ZFAND6: variants seen among roughly 807,000 people sequenced by gnomAD.
ZFAND6 encodes zinc finger AN1-type containing 6.
ZFAND6 carries 12 observed loss-of-function variants against 24.5 expected under a neutral mutation model. The observed-to-expected ratio is 0.49, with a 90% CI of 0.31 to 0.79. The LOEUF (loss-of-function observed/expected upper bound fraction) is 0.79, where lower values mean the gene tolerates loss of function less well. Among genes scored for constraint, ZFAND6 ranks in the 30% least tolerant of loss-of-function variants. The pLI is 0.04. For missense variants in ZFAND6, 207 were observed against 245.9 expected (o/e 0.84, Z 1.06); for synonymous variants, 92 against 81.5 (o/e 1.13, Z -0.69).
intron 1 of ZFAND6, among the ~76,000 whole-genome samples, chr15:80,077,738 C>A (rs1267950851): frequency 1.6e-5 from 2 of 122,972 alleles, no homozygotes; most frequent in Non-Finnish European, 1.6e-5. Flanking sequence ...CTCGCTCTGT[C>A]ACCCAGGCTG....
Position 80,061,812 on chromosome 15 carries a change from A to G in ZFAND6, c.-181+2003A>G, listed in dbSNP as rs902196535. ...AGAATTTCTCTAGAGTAAATACTTA[A>G]TGTGGATTGCATTAGACGGTATTAG... On this transcript the variant is annotated intron_variant, in intron 1 of 6. Coordinates refer to ENST00000261749, the MANE Select transcript of ZFAND6 (RefSeq NM_019006.4). Among the ~76,000 whole-genome samples, 3 of 152,184 alleles carry G rather than the reference A, an allele frequency of 2.0e-5. No individual in the cohort carries two copies. The East Asian group carries it at 5.8e-4, about 29-fold the overall frequency.
chr15:80,078,351 C>T (rs2037416468), intron 1 of ZFAND6, among the ~76,000 whole-genome samples: 1 of 152,178 alleles, frequency 6.6e-6, no homozygotes, highest in African/African-American at 2.4e-5. Context: ...GGATAATGGC[C>T]TCCAGCCCCA....
intron 1 of ZFAND6, among the ~76,000 whole-genome samples, chr15:80,072,051 T>G (rs1222087450): frequency 6.6e-6 from 1 of 152,156 alleles, no homozygotes; most frequent in East Asian, 1.9e-4. Flanking sequence ...AGTATTTTAG[T>G]GCTGTATATT....
At chr15:80,077,577 A>T (rs1001614254) in intron 1 of ZFAND6, among the ~76,000 whole-genome samples, 1 of 152,136 alleles carries the variant, frequency 6.6e-6, no homozygotes, top group Non-Finnish European at 1.5e-5. Context: ...GGTAAATATT[A>T]CCAATGTTTG....
chr15:80,074,021 T>C (rs1031247747), intron 1 of ZFAND6, among the ~76,000 whole-genome samples: 20 of 152,028 alleles, frequency 1.3e-4, no homozygotes, highest in African/African-American at 4.6e-4. Context: ...ACTGGCCAAA[T>C]TGTTTTTCTA....
chr15:80,058,993 C>G (rs571195543), upstream of ZFAND6, among the ~76,000 whole-genome samples: 33 of 152,380 alleles, frequency 2.2e-4, no homozygotes, highest in East Asian at 6.0e-3. Context: ...CAGGTGGGAA[C>G]TGACCCCGTG....
chr15:80,070,514 T>C (rs2036915055), intron 1 of ZFAND6, among the ~76,000 whole-genome samples: 1 of 152,228 alleles, frequency 6.6e-6, no homozygotes, highest in Non-Finnish European at 1.5e-5. Context: ...AAGCTAACTC[T>C]TAATTTTAAC....
At chr15:80,115,644 T>C (rs958862197) in intron 2 of ZFAND6, among the ~76,000 whole-genome samples, 2 of 152,212 alleles carry the variant, frequency 1.3e-5, no homozygotes, top group Admixed American at 6.5e-5. Context: ...TGACTCTTCA[T>C]GTAAAGGTAC....
intron 2 of ZFAND6, among the ~76,000 whole-genome samples, chr15:80,116,100 G>GTT (rs1388873474): frequency 5.4e-4 from 74 of 136,576 alleles, no homozygotes; most frequent in Non-Finnish European, 1.4e-4. Context: ...TTTTTTTTTT[G>GTT]TTTTTTTTTT....
At chr15:80,071,382 A>G (rs542231575) in intron 1 of ZFAND6, among the ~76,000 whole-genome samples, 67 of 152,318 alleles carry the variant, frequency 4.4e-4, no homozygotes, top group Admixed American at 2.9e-3. Flanking sequence ...TATGAATCAC[A>G]GGATTTTTGG....
intron 2 of ZFAND6, among the ~76,000 whole-genome samples, chr15:80,105,812 AC>A (rs2039293884): frequency 6.6e-6 from 1 of 152,172 alleles, no homozygotes; most frequent in African/African-American, 2.4e-5. Context: ...AGTCATCCCT[AC>A]AAGGTGTGTT....
chr15:80,114,704 C>T (rs2039786412), intron 2 of ZFAND6, among the ~76,000 whole-genome samples: 1 of 152,198 alleles, frequency 6.6e-6, no homozygotes, highest in African/African-American at 2.4e-5. Context: ...GCCATCATTA[C>T]TATTCTTTTG....
intron 2 of ZFAND6, among the ~76,000 whole-genome samples, chr15:80,103,497 A>G (rs937130479): frequency 2.0e-5 from 3 of 152,218 alleles, no homozygotes; most frequent in African/African-American, 4.8e-5. Context: ...CGGCCTAGAT[A>G]TGCTCTGAAG....
intron 2 of ZFAND6, among the ~76,000 whole-genome samples, chr15:80,112,600 G>A (rs1172434941): frequency 6.6e-6 from 1 of 152,170 alleles, no homozygotes; most frequent in African/African-American, 2.4e-5. Context: ...GTTTCACCAT[G>A]TTGGTCAGGC....
At chr15:80,094,731 C>A (rs2038612132) in intron 1 of ZFAND6, among the ~76,000 whole-genome samples, 1 of 152,058 alleles carries the variant, frequency 6.6e-6, no homozygotes, top group African/African-American at 2.4e-5. Flanking sequence ...AGGAAATATG[C>A]AGTTATCTAA....
chr15:80,060,066 C>G (rs2036238479), intron 1 of ZFAND6: 1 of 151,084 alleles, frequency 6.6e-6, no homozygotes. Flanking sequence ...CGCGGGCGCC[C>G]GCGGCCGGGG....
chr15:80,072,564 A>G (rs2037039676), intron 1 of ZFAND6: 1 of 152,110 alleles, frequency 6.6e-6, no homozygotes, highest in African/African-American at 2.4e-5. Flanking sequence ...GGAGCTTGGT[A>G]TTCAGGTTTG....
chr15:80,077,216 A>G (rs1292621178), intron 1 of ZFAND6, among the ~76,000 whole-genome samples: 4 of 152,248 alleles, frequency 2.6e-5, no homozygotes, highest in Admixed American at 6.5e-5. Flanking sequence ...GGGTGTATAA[A>G]GCACCTGCCT....
chr15:80,137,402 T>C, intron 6 of ZFAND6, 78 bp from the exon 7 acceptor site: 2 of 1,478,224 alleles, frequency 1.4e-6, no homozygotes, highest in Non-Finnish European at 1.8e-6. Context: ...AAATATATTG[T>C]GCTGTTCAGT....
Sources: allele counts gnomAD v4.1 joint callset (sites outside exome capture counted in the v4.1 genomes callset), GRCh38; gene constraint gnomAD v4.1.1; transcripts MANE v1.5; gene names NCBI Gene and HGNC (gene_info 2026-07-23, HGNC 2026-07-21).